The following LCOR variants were observed in gnomAD, a reference collection of about 807,000 sequenced individuals.
LCOR encodes ligand-dependent corepressor.
Under a neutral mutation model 64.4 loss-of-function variants are expected in LCOR, and 14 were observed. That is an observed-to-expected ratio of 0.22 (90% CI 0.14 to 0.34). The LOEUF (loss-of-function observed/expected upper bound fraction) is 0.34, where lower values mean the gene tolerates loss of function less well. Ranked by LOEUF, LCOR falls within the 10% of genes least tolerant of loss-of-function variation. LCOR has a pLI of 1.00. For synonymous variants in LCOR, 643 were observed against 642.5 expected (o/e 1.00, Z -0.01); for missense variants, 1,686 against 1,765.3 (o/e 0.96, Z 0.80).
rs1169726090 is a variant in LCOR, at chr10:96,989,674, G to GATATATATATATATATATATATATAT, written c.*4562_*4563insATATATATATATATATATATATATAT. ...CCTTTTCCAAAAACTCAAGGATAAG[G>GATATATATATATATATATATATATAT]ATATATATATATATATATATATTTT... On this transcript the variant is annotated 3_prime_UTR_variant, in exon 8 of 8. Transcript: ENST00000421806. The GATATATATATATATATATATATATAT allele has an allele frequency of 3.6e-5, 2 of 54,860 alleles. No individual in the cohort carries two copies. Among genetic ancestry groups the GATATATATATATATATATATATATAT allele is most frequent in the African/African-American group, 2.2e-4 (2 of 8,920 alleles). 3.4% of individuals were successfully genotyped at this position (54,860 alleles called of 1,614,324 possible). A position where few individuals can be genotyped will look rare whatever the true frequency, so the allele number is the denominator to read the frequency against.
chr10:96,920,653 T>C (rs1047145156), intron 4 of LCOR, among the ~76,000 whole-genome samples: 29 of 134,162 alleles, frequency 2.2e-4, no homozygotes, highest in African/African-American at 8.3e-4. Context: ...TGTATATATG[T>C]GTATATATGT....
At chr10:96,897,498 C>T (rs1047944239) in intron 2 of LCOR, among the ~76,000 whole-genome samples, 11 of 152,126 alleles carry the variant, frequency 7.2e-5, no homozygotes, top group African/African-American at 2.4e-4. Context: ...AACAGAACTG[C>T]CCCTGGATTT....
rs754551988 is a variant in LCOR, at chr10:96,984,336, T to G, written c.3876T>G (p.Asp1292Glu). The change falls in exon 8 of 8, where the codon GAT becomes GAG. Residue 1292 changes from aspartate to glutamate, a missense_variant. Physicochemically the swap from Asp to Glu is conservative, Grantham distance 45 (BLOSUM62 2). This residue lies in a region of LCOR where 1,293 missense variants were observed against 1,410.4 expected (regional missense o/e 0.92). Coordinates refer to ENST00000421806, the MANE Select transcript of LCOR (RefSeq NM_001346516.2). ...SEDSIEEVKE[D>E]RNSHPPANLP... is the part of the protein sequence containing the mutation. ...ACAGCATAGAGGAAGTCAAGGAAGA[T>G]AGAAACAGTCATCCTCCAGCAAACC... 6.2e-7 allele frequency: 1 copy of G among 1,614,032 alleles called. No homozygotes were observed. The highest frequency in any genetic ancestry group is 8.5e-7 in the Non-Finnish European group (1 of 1,180,022).
chr10:96,906,885 A>G (rs949389965), intron 2 of LCOR, among the ~76,000 whole-genome samples: 2 of 152,146 alleles, frequency 1.3e-5, no homozygotes, highest in Admixed American at 1.3e-4. Flanking sequence ...TATTTAGATT[A>G]TTTTAGAAAG....
intron 7 of LCOR, chr10:96,957,115 C>G (rs555870088): frequency 1.0e-6 from 1 of 984,800 alleles, no homozygotes; most frequent in South Asian, 4.7e-5. Context: ...CATTGGAATT[C>G]CTTTTTTAAC....
Position 96,865,929 on chromosome 10 carries a change from G to A in LCOR, c.-330+32450G>A, listed in dbSNP as rs1202563157. Among the ~76,000 whole-genome samples the A allele has an allele frequency of 1.3e-4, 19 of 150,990 alleles. No individual in the cohort carries two copies. The East Asian group carries it at 3.1e-3, about 25-fold the overall frequency. ...ATAGAGCACTGCCAGCCTCCTTGAAGGTTTGCTAATATCCTTTTCTGGCCA... is the reference window on the plus strand; with the variant it reads ...ATAGAGCACTGCCAGCCTCCTTGAAAGTTTGCTAATATCCTTTTCTGGCCA... On this transcript the variant is annotated intron_variant, in intron 2 of 7. Coordinates refer to ENST00000421806, the MANE Select transcript of LCOR (RefSeq NM_001346516.2).
chr10:96,908,528 T>G (rs183922871), intron 4 of LCOR, among the ~76,000 whole-genome samples: 1 of 152,358 alleles, frequency 6.6e-6, no homozygotes, highest in African/African-American at 2.4e-5. Context: ...GCTATTATTT[T>G]TAATTGTATA....
At chr10:96,837,345 C>T (rs573558314) in intron 2 of LCOR, among the ~76,000 whole-genome samples, 1 of 152,124 alleles carries the variant, frequency 6.6e-6, no homozygotes, top group East Asian at 1.9e-4. Flanking sequence ...CAACCTCCAC[C>T]TCCCAGGTTT....
chr10:96,867,632 A>C (rs1369130273), intron 2 of LCOR, among the ~76,000 whole-genome samples: 1 of 152,018 alleles, frequency 6.6e-6, no homozygotes, highest in Non-Finnish European at 1.5e-5. Context: ...GGTGGCTCAC[A>C]TCTGTAATCC....
intron 2 of LCOR, among the ~76,000 whole-genome samples, chr10:96,844,433 C>A (rs900924641): frequency 6.6e-6 from 1 of 151,910 alleles, no homozygotes; most frequent in Admixed American, 6.6e-5. Context: ...GTCTTTGTTT[C>A]TAATTACTGA....
intron 7 of LCOR, among the ~76,000 whole-genome samples, chr10:96,968,593 G>A (rs1293165721): frequency 6.6e-6 from 1 of 152,116 alleles, no homozygotes; most frequent in Non-Finnish European, 1.5e-5. Context: ...GAATAGGTAG[G>A]GCATGGATAG....
At chr10:96,914,671 A>C (rs1846906943) in intron 4 of LCOR, among the ~76,000 whole-genome samples, 1 of 152,258 alleles carries the variant, frequency 6.6e-6, no homozygotes. Context: ...GGACTACCAA[A>C]AATCAGAAAG....
intron 7 of LCOR, among the ~76,000 whole-genome samples, chr10:96,969,704 C>A (rs559213601): frequency 6.6e-6 from 1 of 151,622 alleles, no homozygotes; most frequent in East Asian, 1.9e-4. Flanking sequence ...GGATTTCAAA[C>A]CAACAAATCA....
chr10:96,943,053 A>C (rs1847522842), intron 4 of LCOR, among the ~76,000 whole-genome samples: 1 of 152,160 alleles, frequency 6.6e-6, no homozygotes, highest in Admixed American at 6.5e-5. Context: ...GGATGATTAT[A>C]GTGCAGCATA....
At chr10:96,962,019 CTAAAGTCT>C (rs1480318200) in intron 7 of LCOR, 1 of 152,000 alleles carries the variant, frequency 6.6e-6, no homozygotes, top group Non-Finnish European at 1.5e-5. Context: ...TGTTACAACA[CTAAAGTCT>C]TAATTTATCT....
At chr10:96,872,331 T>C (rs1188559855) in intron 2 of LCOR, among the ~76,000 whole-genome samples, 1 of 152,220 alleles carries the variant, frequency 6.6e-6, no homozygotes, top group Non-Finnish European at 1.5e-5. Context: ...TTTAAGAGTG[T>C]CCAAAGAATC....
intron 2 of LCOR, among the ~76,000 whole-genome samples, chr10:96,873,571 C>CGTGTGTGT (rs55893181): frequency 0.039 from 4,922 of 126,196 alleles, 117 homozygotes; most frequent in South Asian, 0.051. Flanking sequence ...CACACACACA[C>CGTGTGTGT]GTGTGTGTGT....
chr10:96,946,705 T>A (rs182238714), intron 5 of LCOR, among the ~76,000 whole-genome samples: 83 of 152,228 alleles, frequency 5.5e-4, no homozygotes, highest in African/African-American at 1.9e-3. Context: ...GGCAGAGATG[T>A]AATTCATAAA....
At chr10:96,854,619 G>A (rs929488570) in intron 2 of LCOR, among the ~76,000 whole-genome samples, 2 of 152,166 alleles carry the variant, frequency 1.3e-5, no homozygotes, top group Non-Finnish European at 2.9e-5. Context: ...GAGCCACCGT[G>A]CCTGGCCCAT....
Sources: gnomAD v4.1 joint callset for allele counts (sites outside exome capture counted in the v4.1 genomes callset) on GRCh38, gnomAD v4.1.1 for gene constraint, gnomAD v4.1.1 regional missense constraint, MANE v1.5 for transcripts, NCBI Gene and HGNC (gene_info 2026-07-23, HGNC 2026-07-21) for gene names.